Variants in IGSF3 observed in about 807,000 individuals in gnomAD.
IGSF3 encodes glu-Trp-Ile EWI motif-containing protein 3.
IGSF3 carries 23 observed loss-of-function variants against 114.4 expected under a neutral mutation model. The ratio of observed to expected loss-of-function variants is 0.20; its 90% CI spans 0.14 to 0.28. IGSF3 has a LOEUF of 0.28. Ranked by LOEUF, IGSF3 falls within the 10% of genes least tolerant of loss-of-function variation. IGSF3 has a pLI of 1.00. For missense variants in IGSF3, 1,172 were observed against 1,591.5 expected, an observed-to-expected ratio of 0.74 and a Z score of 4.48; for synonymous variants, 571 against 645.2, an observed-to-expected ratio of 0.88 and a Z score of 1.74.
Position 116,585,935 on chromosome 1 carries a change from G to A in IGSF3, c.2441-883C>T, listed in dbSNP as rs976740201. 1.3e-5 allele frequency among the ~76,000 whole-genome samples: 2 copies of A among 152,180 alleles called. No homozygotes were observed. The highest frequency in any genetic ancestry group is 2.9e-5 in the Non-Finnish European group (2 of 68,038). On this transcript the variant is annotated intron_variant, in intron 8 of 10. Transcript: ENST00000369486. This position sits in a 1 kb window ranked among gnomAD's most constrained non-coding sequence, Gnocchi z 4.9. ...GAAAAAGAAAAGATTGCTACTGATG[G>A]AACTGGGTGCTTTGAAAACTCAGCC...
intron 2 of IGSF3, among the ~76,000 whole-genome samples, chr1:116,637,328 A>G (rs1254791234): frequency 2.0e-5 from 3 of 152,184 alleles, no homozygotes; most frequent in South Asian, 4.1e-4. Flanking sequence ...TATTTATTCA[A>G]TGGACAACAG....
At chr1:116,663,156 ACT>A (rs1312139397) in intron 2 of IGSF3, among the ~76,000 whole-genome samples, 1 of 152,048 alleles carries the variant, frequency 6.6e-6, no homozygotes, top group Non-Finnish European at 1.5e-5. Flanking sequence ...GAGGTATATA[ACT>A]CTTCCTGGCT....
intron 10 of IGSF3, among the ~76,000 whole-genome samples, chr1:116,578,570 A>G (rs1226149105): frequency 2.0e-5 from 3 of 152,366 alleles, no homozygotes; most frequent in South Asian, 4.1e-4. Context: ...AGGCAAAAAA[A>G]TAGTGGCCCA....
rs908048809 is a variant in IGSF3 at position 116,593,447 on chromosome 1, G to A, written c.2030-4343C>T. On this transcript the variant is annotated intron_variant, in intron 7 of 10. Coordinates refer to ENST00000369486, the MANE Select transcript of IGSF3 (RefSeq NM_001007237.3). The surrounding 1 kb of genome is among the most constrained non-coding windows in gnomAD (Gnocchi z 4.5). ...AGACAGTAATGCTAGAGATAGAGGC[G>A]GCCAGTGGCTGCGGCAGGAGATGTT... Among the ~76,000 whole-genome samples, 7 of 152,174 alleles carry A rather than the reference G, an allele frequency of 4.6e-5. No homozygotes were observed. Among genetic ancestry groups the A allele is most frequent in the Admixed American group, 1.3e-4 (2 of 15,274 alleles).
In IGSF3 at chr1:116,624,051, C is replaced by A. The variant is rs1400892754; in HGVS notation, c.44-7594G>T. ...GCAGTGAGCCGAGATCATGTCATTGCACTGTGGGCTGGGCAACAGAGAAAG... is the reference window on the plus strand; with the variant it reads ...GCAGTGAGCCGAGATCATGTCATTGAACTGTGGGCTGGGCAACAGAGAAAG... On this transcript the variant is annotated intron_variant, in intron 2 of 10. Coordinates refer to ENST00000369486, the MANE Select transcript of IGSF3 (RefSeq NM_001007237.3). This position sits in a 1 kb window ranked among gnomAD's most constrained non-coding sequence, Gnocchi z 4.9. 6.6e-6 allele frequency among the ~76,000 whole-genome samples: 1 copy of A among 150,818 alleles called. No homozygotes were observed. The highest frequency in any genetic ancestry group is 1.5e-5 in the Non-Finnish European group (1 of 67,824).
rs573443999 is a variant in IGSF3, at chr1:116,602,781, T to G, written c.1624+843A>C. Among the ~76,000 whole-genome samples, 5 of 152,316 alleles carry G rather than the reference T, an allele frequency of 3.3e-5. No homozygotes were observed. The South Asian group carries it at 1.0e-3, about 32-fold the overall frequency. ...AACAGGAAGACCTGATATAACAAGTTTCTTTCCCAGCAAAGTCACAGACTG... is the reference window on the plus strand; with the variant it reads ...AACAGGAAGACCTGATATAACAAGTGTCTTTCCCAGCAAAGTCACAGACTG... On this transcript the variant is annotated intron_variant, in intron 6 of 10. Coordinates refer to ENST00000369486, the MANE Select transcript of IGSF3 (RefSeq NM_001007237.3).
chr1:116,652,992 C>T (rs1388485396), intron 2 of IGSF3, among the ~76,000 whole-genome samples: 2 of 152,162 alleles, frequency 1.3e-5, no homozygotes, highest in Non-Finnish European at 2.9e-5. Flanking sequence ...GGCTCTGTCC[C>T]CATGCCAAAA....
Position 116,584,889 on chromosome 1 carries a change from G to C in IGSF3, c.2604C>G (p.Ala868=). The C allele has an allele frequency of 6.2e-7, 1 of 1,614,208 alleles. No individual in the cohort carries two copies. Among genetic ancestry groups the C allele is most frequent in the Non-Finnish European group, 8.5e-7 (1 of 1,180,034 alleles). ...GGAAGGTGGCGTCACGGCTCAAGCGGGCCACAGTCTCCCGCTCAGGGTGGT... is the reference window on the plus strand; with the variant it reads ...GGAAGGTGGCGTCACGGCTCAAGCGCGCCACAGTCTCCCGCTCAGGGTGGT... ...KPNHPERETV[A]RLSRDATFHY... Residue 868 remains alanine (A), a synonymous_variant, in exon 9 of 11, where the codon GCC becomes GCG. Coordinates refer to ENST00000369486, the MANE Select transcript of IGSF3 (RefSeq NM_001007237.3). This position sits in a 1 kb window ranked among gnomAD's most constrained non-coding sequence, Gnocchi z 5.8.
intron 2 of IGSF3, among the ~76,000 whole-genome samples, chr1:116,660,923 G>C (rs12405656): frequency 0.014 from 2,122 of 152,338 alleles, 110 homozygotes; most frequent in East Asian, 0.097. Context: ...AGGGAAAAGT[G>C]TCATGAATTT....
rs543888429 is a variant in IGSF3 at position 116,633,564 on chromosome 1, T to C, written c.44-17107A>G. Among the ~76,000 whole-genome samples the C allele has an allele frequency of 5.3e-5, 8 of 152,284 alleles. No individual in the cohort carries two copies. The highest frequency in any genetic ancestry group is 1.9e-4 in the African/African-American group (8 of 41,544). On this transcript the variant is annotated intron_variant, in intron 2 of 10. Transcript: ENST00000369486. The surrounding 1 kb of genome is among the most constrained non-coding windows in gnomAD (Gnocchi z 4.3). ...CCCCTATGCCATGGAAAGGTGCATG[T>C]AAGTGAGAGAACAAAAAATTTCACA...
At position 116,661,837 on chromosome 1, in the gene IGSF3, A is replaced by G. The variant is rs935407988; in HGVS notation, c.43+4447T>C. Among the ~76,000 whole-genome samples the G allele has an allele frequency of 2.0e-5, 3 of 152,196 alleles. No individual in the cohort carries two copies. The highest frequency in any genetic ancestry group is 7.2e-5 in the African/African-American group (3 of 41,462). On this transcript the variant is annotated intron_variant, in intron 2 of 10. Coordinates refer to ENST00000369486, the MANE Select transcript of IGSF3 (RefSeq NM_001007237.3). This position sits in a 1 kb window ranked among gnomAD's most constrained non-coding sequence, Gnocchi z 4.0. Reference sequence around the variant, plus strand: ...CTTCTTTGCAGCTAAATATGGTCACATGACTAGGTTCTAGCCAATGAGAAT... The same window carrying G: ...CTTCTTTGCAGCTAAATATGGTCACGTGACTAGGTTCTAGCCAATGAGAAT...
intron 5 of IGSF3, among the ~76,000 whole-genome samples, chr1:116,606,905 C>A (rs544561852): frequency 6.6e-6 from 1 of 151,694 alleles, no homozygotes. Flanking sequence ...TGGTTTTTAA[C>A]AAAATAATAA....
At chr1:116,604,982 T>C (rs1405724297) in intron 5 of IGSF3, among the ~76,000 whole-genome samples, 1 of 152,188 alleles carries the variant, frequency 6.6e-6, no homozygotes, top group African/African-American at 2.4e-5. Context: ...CAAAAACTGG[T>C]CATCATGATC....
chr1:116,629,671 T>G lies in IGSF3; in HGVS notation c.44-13214A>C, dbSNP rs1647469098. On this transcript the variant is annotated intron_variant, in intron 2 of 10. Transcript: ENST00000369486. The surrounding 1 kb of genome is among the most constrained non-coding windows in gnomAD (Gnocchi z 4.3). ...GGAGCCAGCCTGGTCAGGTCAACTT[T>G]GCAGGTGTGTGAAGTGTCAAATGGT... Among the ~76,000 whole-genome samples the G allele has an allele frequency of 6.6e-6, 1 of 152,222 alleles. No individual in the cohort carries two copies. The highest frequency in any genetic ancestry group is 1.5e-5 in the Non-Finnish European group (1 of 68,036).
Position 116,577,405 on chromosome 1 carries a change from C to G in IGSF3, c.3492G>C (p.Val1164=). 1 of 1,614,192 alleles carries G rather than the reference C, an allele frequency of 6.2e-7. No individual in the cohort carries two copies. Among genetic ancestry groups the G allele is most frequent in the Non-Finnish European group, 8.5e-7 (1 of 1,180,020 alleles). The change falls in exon 11 of 11, where the codon GTG becomes GTC. Residue 1164 remains valine, a synonymous_variant. Transcript: ENST00000369486. This position sits in a 1 kb window ranked among gnomAD's most constrained non-coding sequence, Gnocchi z 5.7. The stretch of plus-strand genomic sequence containing the variant: ...GTGGCTCTTTGATCCACAGCAGAGG[C>G]ACCCCATTCTTCCCATCAGAGTTCT... ...SSKNSDGKNG[V]PLLWIKEPHL...
At chr1:116,643,215 C>T (rs1215260333) in intron 2 of IGSF3, among the ~76,000 whole-genome samples, 2 of 152,332 alleles carry the variant, frequency 1.3e-5, no homozygotes, top group East Asian at 1.9e-4. Flanking sequence ...TCTGAGGCCA[C>T]ACAGCTAGTC....
At chr1:116,637,591 G>C (rs765788557) in intron 2 of IGSF3, among the ~76,000 whole-genome samples, 3 of 152,156 alleles carry the variant, frequency 2.0e-5, no homozygotes, top group Non-Finnish European at 4.4e-5. Context: ...TTTCAGTGCA[G>C]ACAAGATGGC....
chr1:116,578,915 G>A (rs1659467396), intron 10 of IGSF3, among the ~76,000 whole-genome samples: 1 of 152,008 alleles, frequency 6.6e-6, no homozygotes, highest in South Asian at 2.1e-4. Flanking sequence ...AACCATACAA[G>A]ATCCACCTCA....
intron 2 of IGSF3, among the ~76,000 whole-genome samples, chr1:116,630,549 A>G (rs1647527190): frequency 6.6e-6 from 1 of 152,140 alleles, no homozygotes; most frequent in Admixed American, 6.5e-5. Context: ...TGGCATCCAA[A>G]CCCACAATCT....
Sources: allele counts gnomAD v4.1 joint callset (sites outside exome capture counted in the v4.1 genomes callset), GRCh38; gene constraint gnomAD v4.1.1; non-coding constraint Gnocchi (gnomAD v3.1); transcripts MANE v1.5; gene names NCBI Gene and HGNC (gene_info 2026-07-23, HGNC 2026-07-21).